NRXN1: variants seen among roughly 807,000 people sequenced by gnomAD.
NRXN1 encodes the protein neurexin-1.
A neutral mutation model predicts 150.9 loss-of-function variants in NRXN1; 39 were observed. That is an observed-to-expected ratio of 0.26 (90% CI 0.20 to 0.34). The LOEUF is 0.34. NRXN1 is among the 10% of genes least tolerant of loss of function. The pLI, the probability that NRXN1 is intolerant of heterozygous loss-of-function variation, is 1.00. For synonymous variants in NRXN1, 924 were observed against 757.0 expected, an observed-to-expected ratio of 1.22 and a Z score of -3.62; for missense variants, 1,815 against 1,949.9, an observed-to-expected ratio of 0.93 and a Z score of 1.30.
intron 5 of NRXN1, among the ~76,000 whole-genome samples, chr2:50,652,853 T>G (rs1465990256): frequency 1.3e-5 from 2 of 152,082 alleles, no homozygotes; most frequent in Non-Finnish European, 2.9e-5. Context: ...CACTGGTTAT[T>G]GTTGATGTTT....
intron 5 of NRXN1, among the ~76,000 whole-genome samples, chr2:50,682,074 C>T (rs965201307): frequency 6.6e-6 from 1 of 152,094 alleles, no homozygotes; most frequent in Non-Finnish European, 1.5e-5. Context: ...AGCTGTTGGC[C>T]ATTAAAGACA....
rs70948706 is a variant in NRXN1 at position 50,373,690 on chromosome 2, G to GGAAAGAAAGAAAGAAAGAAA, written c.3364+91732_3364+91751dup. On this transcript the variant is annotated intron_variant, in intron 17 of 22. Coordinates refer to ENST00000401669, the MANE Select transcript of NRXN1 (RefSeq NM_001330078.2). Reference sequence around the variant, plus strand: ...AGAAAGAAAGAAAGAAAAGAAAGAAGGAAAGAAAGAAAGAAAGAAAGAGAA... The same window carrying GGAAAGAAAGAAAGAAAGAAA: ...AGAAAGAAAGAAAGAAAAGAAAGAAGGAAAGAAAGAAAGAAAGAAAGAAAGAAAGAAAGAAAGAAAGAGAA... Among the ~76,000 whole-genome samples, 38 of 91,704 alleles carry GGAAAGAAAGAAAGAAAGAAA rather than the reference G, an allele frequency of 4.1e-4. 1 individual carries two copies. Among genetic ancestry groups the GGAAAGAAAGAAAGAAAGAAA allele is most frequent in the African/African-American group, 1.6e-3 (32 of 20,348 alleles). The allele number at this position is 91,704 out of a possible 152,430, so 60.2% of individuals were successfully genotyped here. A position where few individuals can be genotyped will look rare whatever the true frequency, so the allele number is the denominator to read the frequency against.
intron 18 of NRXN1, among the ~76,000 whole-genome samples, chr2:50,234,481 C>T (rs912426477): frequency 2.6e-5 from 4 of 152,008 alleles, no homozygotes; most frequent in South Asian, 2.1e-4. Context: ...GCAACAAGAG[C>T]GAAACTTTGT....
At chr2:49,926,188 A>G in intron 22 of NRXN1, 1 of 394,792 alleles carries the variant, frequency 2.5e-6, no homozygotes, top group Non-Finnish European at 4.5e-6. Flanking sequence ...GTTATGACCC[A>G]TTTCATATTT....
At position 50,770,695 on chromosome 2, in the gene NRXN1, T is replaced by G. The variant is rs561301856; in HGVS notation, c.833-147080A>C. Among the ~76,000 whole-genome samples the G allele has an allele frequency of 2.0e-5, 3 of 152,166 alleles. No individual in the cohort carries two copies. The South Asian group carries it at 6.2e-4, about 32-fold the overall frequency. ...ATTCTTTTAAATTTTTTATTACTAT[T>G]TTTCAAACACTTTTTTGAGGCATGA... is the stretch of plus-strand genomic sequence containing the variant. On this transcript the variant is annotated intron_variant, in intron 5 of 22. Transcript: ENST00000401669.
chr2:50,704,937 T>C (rs1174240134), intron 5 of NRXN1, among the ~76,000 whole-genome samples: 7 of 152,040 alleles, frequency 4.6e-5, no homozygotes, highest in Admixed American at 2.0e-4. Context: ...ATTATTGTCA[T>C]TTTACTGATA....
intron 17 of NRXN1, among the ~76,000 whole-genome samples, chr2:50,292,192 A>C (rs932943859): frequency 6.6e-6 from 1 of 152,210 alleles, no homozygotes; most frequent in Non-Finnish European, 1.5e-5. Flanking sequence ...ACAAGAAATC[A>C]AAAAAGAATA....
intron 18 of NRXN1, among the ~76,000 whole-genome samples, chr2:50,189,022 T>C (rs2061275007): frequency 6.6e-6 from 1 of 152,190 alleles, no homozygotes; most frequent in African/African-American, 2.4e-5. Flanking sequence ...ACTGGGTATA[T>C]ACCCAAAGGA....
intron 17 of NRXN1, among the ~76,000 whole-genome samples, chr2:50,430,573 C>T (rs1213188172): frequency 6.6e-6 from 1 of 152,162 alleles, no homozygotes; most frequent in African/African-American, 2.4e-5. Context: ...CTTGCAGCTA[C>T]ATTATTTAAT....
intron 18 of NRXN1, among the ~76,000 whole-genome samples, chr2:50,196,113 G>A (rs1460697868): frequency 6.6e-6 from 1 of 151,780 alleles, no homozygotes; most frequent in Non-Finnish European, 1.5e-5. Context: ...TTTTCCTGAT[G>A]GTCTCCCTAC....
intron 17 of NRXN1, among the ~76,000 whole-genome samples, chr2:50,434,509 G>C (rs1172577138): frequency 6.6e-6 from 1 of 152,096 alleles, no homozygotes; most frequent in African/African-American, 2.4e-5. Context: ...CTGAAAGAAG[G>C]ACAATGAGCT....
intron 12 of NRXN1, among the ~76,000 whole-genome samples, chr2:50,507,425 G>A (rs1158198254): frequency 6.6e-6 from 1 of 151,896 alleles, no homozygotes; most frequent in Non-Finnish European, 1.5e-5. Flanking sequence ...TGAGCATGAA[G>A]GAAAAGTAGT....
intron 5 of NRXN1, among the ~76,000 whole-genome samples, chr2:50,752,697 G>T (rs1429024189): frequency 6.8e-6 from 1 of 147,716 alleles, no homozygotes; most frequent in East Asian, 2.1e-4. Context: ...ACAACACCAT[G>T]ATAAAAGTGA....
chr2:50,877,092 A>C (rs1678708419), intron 5 of NRXN1, among the ~76,000 whole-genome samples: 1 of 151,632 alleles, frequency 6.6e-6, no homozygotes, highest in African/African-American at 2.4e-5. Flanking sequence ...AACTTTACTA[A>C]CTCATCTAAA....
intron 5 of NRXN1, among the ~76,000 whole-genome samples, chr2:50,644,710 T>C (rs936549062): frequency 3.3e-5 from 5 of 150,886 alleles, no homozygotes; most frequent in Non-Finnish European, 7.4e-5. Context: ...ATTTTGCAAA[T>C]TCAGCCATTT....
At chr2:50,855,050 T>C (rs1003956018) in intron 5 of NRXN1, among the ~76,000 whole-genome samples, 3 of 151,992 alleles carry the variant, frequency 2.0e-5, no homozygotes, top group African/African-American at 7.2e-5. Flanking sequence ...GTACCTTCTC[T>C]AGACACACCG....
intron 21 of NRXN1, among the ~76,000 whole-genome samples, chr2:50,025,180 C>A (rs1252649552): frequency 1.3e-5 from 2 of 152,220 alleles, no homozygotes; most frequent in Non-Finnish European, 2.9e-5. Context: ...AAAAAATGTT[C>A]TTTTATGAAA....
intron 8 of NRXN1, among the ~76,000 whole-genome samples, chr2:50,613,353 C>T (rs1051243402): frequency 3.9e-5 from 6 of 152,124 alleles, no homozygotes; most frequent in South Asian, 2.1e-4. Flanking sequence ...ATAGAACAGT[C>T]AGAGCACTTA....
intron 5 of NRXN1, among the ~76,000 whole-genome samples, chr2:50,788,737 T>C (rs1249821287): frequency 2.0e-5 from 3 of 152,104 alleles, no homozygotes; most frequent in African/African-American, 7.2e-5. Context: ...ACTGTGTGCC[T>C]AATATGCACC....
Sources: gnomAD v4.1 joint callset for allele counts (sites outside exome capture counted in the v4.1 genomes callset) on GRCh38, gnomAD v4.1.1 for gene constraint, MANE v1.5 for transcripts, NCBI Gene and HGNC (gene_info 2026-07-23, HGNC 2026-07-21) for gene names.